Variants in UTP18 observed in about 807,000 individuals in gnomAD.
The protein encoded by UTP18 is U3 small nucleolar RNA-associated protein 18 homolog.
Under a neutral mutation model 61.1 loss-of-function variants are expected in UTP18, and 36 were observed. The ratio of observed to expected loss-of-function variants is 0.59; its 90% confidence interval spans 0.45 to 0.78. The LOEUF (loss-of-function observed/expected upper bound fraction) is 0.78. Among genes scored for constraint, UTP18 ranks in the 30% least tolerant of loss-of-function variants. The pLI, the probability that UTP18 is intolerant of heterozygous loss-of-function variation, is 0.00. For missense variants in UTP18, 753 were observed against 693.9 expected (o/e 1.09, Z -0.96); for synonymous variants, 282 against 251.1 (o/e 1.12, Z -1.16).
At position 51,275,866 on chromosome 17, in the gene UTP18, A is replaced by T. The variant is rs181154558; in HGVS notation, c.712A>T (p.Met238Leu). Residue 238 changes from methionine to leucine, a missense_variant and splice_region_variant, in exon 6 of 14, where the codon ATG becomes TTG. Coordinates refer to ENST00000225298, the MANE Select transcript of UTP18 (RefSeq NM_016001.3). ...AAATCCCAGCTTTCATTTCCTATAGATGAAGAACTGCCAGCATGCGAATGC... is the reference window on the plus strand; with the variant it reads ...AAATCCCAGCTTTCATTTCCTATAGTTGAAGAACTGCCAGCATGCGAATGC... ...STSLPRGILK[M>L]KNCQHANAER... is the part of the protein sequence containing the mutation. 18 of 1,596,526 alleles carry T rather than the reference A, an allele frequency of 1.1e-5. No homozygotes were observed. In the East Asian group the frequency reaches 4.1e-4, roughly 36 times the overall value.
At chr17:51,291,738 C>CAAAAA (rs373296052) in intron 11 of UTP18, among the ~76,000 whole-genome samples, 6 of 97,062 alleles carry the variant, frequency 6.2e-5, no homozygotes, top group East Asian at 3.6e-4. Flanking sequence ...GACTTGATCT[C>CAAAAA]AAAAAAAAAA....
chr17:51,296,815 T>C (rs1905379952), intron 12 of UTP18, 150 bp from the exon 13 acceptor site: 2 of 642,930 alleles, frequency 3.1e-6, no homozygotes, highest in African/African-American at 1.9e-5. Flanking sequence ...AATGTCAGAT[T>C]GAGGAGTCTG....
rs766635231 is a variant in UTP18, at chr17:51,268,007, G to GTTTTTTTTTTTTTTTTTT, written c.555-824_555-823insTTTTTTTTTTTTTTTTTT. Among the ~76,000 whole-genome samples the GTTTTTTTTTTTTTTTTTT allele has an allele frequency of 1.5e-4, 19 of 130,602 alleles. 3 individuals are homozygous for GTTTTTTTTTTTTTTTTTT. Among genetic ancestry groups the GTTTTTTTTTTTTTTTTTT allele is most frequent in the African/African-American group, 2.1e-4 (7 of 33,070 alleles). 85.7% of individuals were successfully genotyped at this position (130,602 alleles called of 152,430 possible). On this transcript the variant is annotated intron_variant, in intron 3 of 13. Coordinates refer to ENST00000225298, the MANE Select transcript of UTP18 (RefSeq NM_016001.3). ...ACCAGTTGTTGTTTTTTTGTTTTTTGTTTTTTGTTTTTTTTTTTTTGAGAT... is the reference window on the plus strand; with the variant it reads ...ACCAGTTGTTGTTTTTTTGTTTTTTGTTTTTTTTTTTTTTTTTTTTTTTTGTTTTTTTTTTTTTGAGAT...
At position 51,260,593 on chromosome 17, in the gene UTP18, G is replaced by A. The variant is rs989166237; in HGVS notation, c.9G>A (p.Pro3=). 3 of 1,612,060 alleles carry A rather than the reference G, an allele frequency of 1.9e-6. No individual in the cohort carries two copies. Among genetic ancestry groups the A allele is most frequent in the South Asian group, 1.1e-5 (1 of 91,016 alleles). ...TCTCCTCAAACCTAACGATGCCGCC[G>A]GAGCGGAGGAGACGAATGAAACTGG... is the stretch of plus-strand genomic sequence containing the variant. MP[P]ERRRRMKLDR... Residue 3 remains proline, a synonymous_variant, in exon 1 of 14, where the codon CCG becomes CCA. Transcript: ENST00000225298.
intron 4 of UTP18, 119 bp downstream of exon 4, chr17:51,269,023 A>C: frequency 1.7e-4 from 168 of 978,284 alleles, no homozygotes; most frequent in Non-Finnish European, 2.3e-4. Context: ...TCGGTAGCTC[A>C]CGCCTGTCAT....
chr17:51,276,935 C>A (rs1421089578), intron 6 of UTP18, among the ~76,000 whole-genome samples, 195 bp from the exon 7 acceptor site: 1 of 152,198 alleles, frequency 6.6e-6, no homozygotes, highest in East Asian at 1.9e-4. Flanking sequence ...TCTCTGAATA[C>A]CTTCTGTTAA....
At chr17:51,295,388 G>A (rs1326535297) in intron 12 of UTP18, among the ~76,000 whole-genome samples, 1 of 152,178 alleles carries the variant, frequency 6.6e-6, no homozygotes, top group Non-Finnish European at 1.5e-5. Flanking sequence ...AAGGTGTAAG[G>A]AAGGGACCCA....
At chr17:51,280,965 G>A (rs1437133905) in intron 9 of UTP18, among the ~76,000 whole-genome samples, 1 of 151,456 alleles carries the variant, frequency 6.6e-6, no homozygotes, top group Non-Finnish European at 1.5e-5. Context: ...ATCGTTTGAG[G>A]TCAGGAGTTT....
intron 4 of UTP18, among the ~76,000 whole-genome samples, chr17:51,272,623 A>C (rs1478218680): frequency 6.6e-6 from 1 of 152,178 alleles, no homozygotes; most frequent in Non-Finnish European, 1.5e-5. Flanking sequence ...GGCAGAGGAC[A>C]CTAGTAATCC....
chr17:51,278,891 G>A (rs1438655675), intron 7 of UTP18, among the ~76,000 whole-genome samples: 1 of 152,116 alleles, frequency 6.6e-6, no homozygotes, highest in Admixed American at 6.5e-5. Context: ...TGTAGTATGT[G>A]TCTGAAATAA....
chr17:51,268,014 G>GTTTTTTT (rs895927915), intron 3 of UTP18, among the ~76,000 whole-genome samples: 23 of 127,032 alleles, frequency 1.8e-4, no homozygotes, highest in South Asian at 5.1e-4. Flanking sequence ...TTTGTTTTTT[G>GTTTTTTT]TTTTTTTTTT....
chr17:51,270,910 A>G (rs958226126), intron 4 of UTP18, among the ~76,000 whole-genome samples: 1 of 152,240 alleles, frequency 6.6e-6, no homozygotes, highest in Non-Finnish European at 1.5e-5. Context: ...AGAGAGGTTC[A>G]AAGAGATAGT....
At chr17:51,276,270 C>T (rs1041283116) in intron 6 of UTP18, among the ~76,000 whole-genome samples, 3 of 152,146 alleles carry the variant, frequency 2.0e-5, no homozygotes, top group East Asian at 1.9e-4. Context: ...CAGTTTGGGT[C>T]GCTCACCATC....
chr17:51,285,313 A>C lies in UTP18; in HGVS notation c.1273A>C (p.Ser425Arg). 6.2e-7 allele frequency: 1 copy of C among 1,614,048 alleles called. No individual in the cohort carries two copies. The highest frequency in any genetic ancestry group is 2.2e-5 in the East Asian group (1 of 44,846). Reference sequence around the variant, plus strand: ...CCTTAACAGATTTGTTGATGAAGGCAGTTTATATGGATTAAGCATTGCCAC... The same window carrying C: ...CCTTAACAGATTTGTTGATGAAGGCCGTTTATATGGATTAAGCATTGCCAC... ...KCLNRFVDEG[S>R]LYGLSIATSR... The change falls in exon 10 of 14, where the codon AGT becomes CGT. Residue 425 changes from serine to arginine, a missense_variant. Ser to Arg is a moderately radical substitution (Grantham distance 110). Transcript: ENST00000225298.
chr17:51,268,017 T>TG (rs1904360411), intron 3 of UTP18, among the ~76,000 whole-genome samples: 1 of 148,152 alleles, frequency 6.7e-6, no homozygotes, highest in Admixed American at 6.7e-5. Flanking sequence ...GTTTTTTGTT[T>TG]TTTTTTTTTT....
In UTP18 at chr17:51,288,105, A is replaced by G. The variant is rs1295989341; in HGVS notation, c.1405A>G (p.Ile469Val). ...AACAAACCCAAAGCCAATAAAAGCT[A>G]TAATGAACTTGGTTACAGGTGTTAC... ...QETNPKPIKAIMNLVTGVTSL... is the reference protein window; with the variant it reads ...QETNPKPIKAVMNLVTGVTSL... Residue 469 changes from isoleucine (I) to valine (V), a missense_variant, in exon 11 of 14, where the codon ATA becomes GTA. Physicochemically the swap from Ile to Val is conservative, Grantham distance 29. Coordinates refer to ENST00000225298, the MANE Select transcript of UTP18 (RefSeq NM_016001.3). 8 of 1,611,246 alleles carry G rather than the reference A, an allele frequency of 5.0e-6. No individual in the cohort carries two copies. The highest frequency in any genetic ancestry group is 1.3e-5 in the African/African-American group (1 of 74,796).
intron 7 of UTP18, 43 bp from the exon 8 acceptor site, chr17:51,279,962 A>G: frequency 1.4e-6 from 2 of 1,461,770 alleles, no homozygotes; most frequent in South Asian, 1.2e-5. Flanking sequence ...TTTTATTGAA[A>G]ACTATATAAA....
At position 51,260,905 on chromosome 17, in the gene UTP18, G is replaced by C. The variant is rs2055444280; in HGVS notation, c.321G>C (p.Leu107=). Reference sequence around the variant, plus strand: ...TCGAGAACGACGAGGACGCGTTGCTGCGGCGTCTGCGAGGCCCGAGGGTGA... The same window carrying C: ...TCGAGAACGACGAGGACGCGTTGCTCCGGCGTCTGCGAGGCCCGAGGGTGA... ...GDVENDEDAL[L]RRLRGPRVQE... Residue 107 remains leucine, a synonymous_variant, in exon 1 of 14, where the codon CTG becomes CTC. Transcript: ENST00000225298. The C allele has an allele frequency of 2.5e-6, 4 of 1,590,814 alleles. No homozygotes were observed. The highest frequency in any genetic ancestry group is 2.6e-6 in the Non-Finnish European group (3 of 1,170,332).
chr17:51,274,411 CAG>C (rs1384952448), intron 5 of UTP18, among the ~76,000 whole-genome samples: 1 of 152,170 alleles, frequency 6.6e-6, no homozygotes, highest in South Asian at 2.1e-4. Context: ...GTCATATTAA[CAG>C]ATCTCTCTGT....
Sources: gnomAD v4.1 joint callset for allele counts (sites outside exome capture counted in the v4.1 genomes callset) on GRCh38, gnomAD v4.1.1 for gene constraint, MANE v1.5 for transcripts, NCBI Gene and HGNC (gene_info 2026-07-23, HGNC 2026-07-21) for gene names.